Variants in DDX19B observed in about 807,000 individuals in gnomAD.
The protein encoded by DDX19B is DEAD-box helicase 19B, also known as ATP-dependent RNA helicase DDX19B.
A neutral mutation model predicts 58.1 loss-of-function variants in DDX19B; 27 were observed. That is an observed-to-expected ratio of 0.46 (90% confidence interval 0.34 to 0.64). The LOEUF (loss-of-function observed/expected upper bound fraction) is 0.64. Among genes scored for constraint, DDX19B ranks in the 30% least tolerant of loss-of-function variants. The pLI, the probability that DDX19B is intolerant of heterozygous loss-of-function variation, is 0.01. For synonymous variants in DDX19B, 187 were observed against 214.4 expected (o/e 0.87, Z 1.12); for missense variants, 399 against 596.5 (o/e 0.67, Z 3.45).
intron 10 of DDX19B, among the ~76,000 whole-genome samples, chr16:70,332,335 C>T (rs551084580): frequency 6.6e-6 from 1 of 152,282 alleles, no homozygotes; most frequent in African/African-American, 2.4e-5. Flanking sequence ...GAGTCTTGCT[C>T]AATGGCCCAG....
At chr16:70,293,578 G>C (rs572665954), upstream of DDX19B, among the ~76,000 whole-genome samples, 1 of 145,288 alleles carries the variant, frequency 6.9e-6, no homozygotes, top group African/African-American at 2.5e-5. Context: ...TTGGTACTAA[G>C]TCAAATGGGG....
chr16:70,312,902 G>A (rs1035900376), intron 2 of DDX19B, among the ~76,000 whole-genome samples: 10 of 152,120 alleles, frequency 6.6e-5, no homozygotes, highest in African/African-American at 2.4e-4. Flanking sequence ...GGAGTGCAGT[G>A]GTTCAATCAT....
rs773686037 is a variant in DDX19B at position 70,333,027 on chromosome 16, G to A, written c.1246G>A (p.Gly416Arg). 1.9e-6 allele frequency: 3 copies of A among 1,612,936 alleles called. No individual in the cohort carries two copies. The highest frequency in any genetic ancestry group is 1.1e-5 in the South Asian group (1 of 90,972). ...CTTTGATCTTCCCGTGGACAAGGAC[G>A]GGAATCCTGACAATGAGACCTACCT... ...INFDLPVDKD[G>R]NPDNETYLHR... The change falls in exon 11 of 12, where the codon GGG becomes AGG. Residue 416 changes from glycine (G) to arginine (R), a missense_variant. Physicochemically the swap from Gly to Arg is moderately radical, Grantham distance 125. This residue lies in a region of DDX19B where 198 missense variants were observed against 345.9 expected (regional missense o/e 0.57). Coordinates refer to ENST00000288071, the MANE Select transcript of DDX19B (RefSeq NM_007242.7).
chr16:70,297,758 T>A (rs1457408301), upstream of DDX19B, among the ~76,000 whole-genome samples: 1 of 152,142 alleles, frequency 6.6e-6, no homozygotes, highest in Non-Finnish European at 1.5e-5. Flanking sequence ...TCTTACTCTG[T>A]TGCGCAGACT....
chr16:70,305,680 C>A (rs1414170768), intron 1 of DDX19B, among the ~76,000 whole-genome samples: 1 of 152,066 alleles, frequency 6.6e-6, no homozygotes. Context: ...AAAAACACAT[C>A]ATTAGTCAAC....
chr16:70,294,081 T>A (rs1597457206), upstream of DDX19B, among the ~76,000 whole-genome samples: 1 of 130,748 alleles, frequency 7.6e-6, no homozygotes, highest in East Asian at 2.2e-4. Flanking sequence ...AATTTTTTTT[T>A]TTTTTTTTTT....
chr16:70,316,448 T>C (rs1962415067), intron 4 of DDX19B, among the ~76,000 whole-genome samples: 1 of 152,116 alleles, frequency 6.6e-6, no homozygotes, highest in African/African-American at 2.4e-5. Context: ...GAACTCATGA[T>C]CCACTTGCCT....
At chr16:70,303,164 G>T (rs533489918) in intron 1 of DDX19B, among the ~76,000 whole-genome samples, 18 of 152,138 alleles carry the variant, frequency 1.2e-4, no homozygotes, top group African/African-American at 3.4e-4. Context: ...TTGAGACAGG[G>T]TCTCACTCTG....
At chr16:70,332,303 A>G (rs1235814552) in intron 10 of DDX19B, among the ~76,000 whole-genome samples, 1 of 151,824 alleles carries the variant, frequency 6.6e-6, no homozygotes, top group Non-Finnish European at 1.5e-5. Context: ...TCCCAAATGT[A>G]TTTATTTATT....
chr16:70,304,681 C>G (rs1248197300), intron 1 of DDX19B, among the ~76,000 whole-genome samples: 2 of 152,128 alleles, frequency 1.3e-5, no homozygotes, highest in South Asian at 2.1e-4. Context: ...CCAGAGCTGT[C>G]TTAATTGTTC....
At chr16:70,329,175 A>G (rs1265751447) in intron 7 of DDX19B, 117 bp from the exon 8 acceptor site, 4 of 1,384,996 alleles carry the variant, frequency 2.9e-6, no homozygotes, top group Non-Finnish European at 3.9e-6. Context: ...GTGAGTCGAG[A>G]TCATGCCATT....
intron 9 of DDX19B, among the ~76,000 whole-genome samples, chr16:70,330,451 G>T (rs1341546265): frequency 2.6e-5 from 4 of 152,098 alleles, no homozygotes; most frequent in Non-Finnish European, 4.4e-5. Flanking sequence ...AGCCGTGCGT[G>T]GTGGTGTGCA....
rs200461638 is a variant in DDX19B, at chr16:70,333,062, C to T, written c.1281C>T (p.Ile427=). ...NPDNETYLHR[I]GRTGRFGKRG... is the part of the protein sequence containing the mutation. ...ACAATGAGACCTACCTGCACCGGAT[C>T]GGGCGCACGGGCCGCTTTGGCAAGA... Residue 427 remains isoleucine, a synonymous_variant, in exon 11 of 12, where the codon ATC becomes ATT. Coordinates refer to ENST00000288071, the MANE Select transcript of DDX19B (RefSeq NM_007242.7). The T allele has an allele frequency of 1.9e-5, 30 of 1,609,080 alleles. 2 individuals carry two copies. In the South Asian group the frequency reaches 2.4e-4, roughly 13 times the overall value.
chr16:70,333,415 C>T (rs1168113822), intron 11 of DDX19B, 106 bp from the exon 12 acceptor site: 4 of 1,537,510 alleles, frequency 2.6e-6, no homozygotes, highest in Non-Finnish European at 3.6e-6. Context: ...GCCCTGCTGC[C>T]CCCTGCTTAG....
chr16:70,324,476 C>A, intron 5 of DDX19B, 109 bp from the exon 6 acceptor site: 1 of 867,150 alleles, frequency 1.2e-6, no homozygotes, highest in South Asian at 1.5e-5. Flanking sequence ...TGTAACTCTG[C>A]TACATAATCC....
At chr16:70,321,429 A>C (rs1177975036) in intron 5 of DDX19B, among the ~76,000 whole-genome samples, 2 of 152,128 alleles carry the variant, frequency 1.3e-5, no homozygotes, top group Admixed American at 1.3e-4. Context: ...CAAGAAGCTC[A>C]TTTTTAGATT....
At chr16:70,306,392 T>C (rs1961756219) in intron 1 of DDX19B, among the ~76,000 whole-genome samples, 1 of 150,502 alleles carries the variant, frequency 6.6e-6, no homozygotes, top group African/African-American at 2.4e-5. Context: ...GCTCAAGCTA[T>C]CACCTGCCTT....
upstream of DDX19B, chr16:70,290,030 G>C: frequency 3.5e-6 from 1 of 288,894 alleles, no homozygotes; most frequent in Non-Finnish European, 7.0e-6. Context: ...TCAGCATCTG[G>C]TCCTCGATTT....
chr16:70,310,677 T>C (rs189738014), intron 1 of DDX19B, among the ~76,000 whole-genome samples: 1 of 152,306 alleles, frequency 6.6e-6, no homozygotes, highest in East Asian at 1.9e-4. Flanking sequence ...CGCCAGACTT[T>C]CCATCTATCT....
Sources: allele counts gnomAD v4.1 joint callset (sites outside exome capture counted in the v4.1 genomes callset), GRCh38; gene constraint gnomAD v4.1.1; regional missense constraint gnomAD v4.1.1; transcripts MANE v1.5; gene names NCBI Gene and HGNC (gene_info 2026-07-23, HGNC 2026-07-21).